WDPCP: variants seen among roughly 807,000 people sequenced by gnomAD.
WDPCP encodes WD repeat-containing and planar cell polarity effector protein fritz homolog.
In WDPCP, 71 loss-of-function variants were observed where a neutral mutation model predicts 93.1. The observed-to-expected ratio is 0.76, with a 90% CI of 0.63 to 0.93. The LOEUF is 0.93. Ranked by LOEUF, WDPCP falls within the 40% of genes least tolerant of loss-of-function variation. The pLI is 0.00. For missense variants in WDPCP, 844 were observed against 887.4 expected (o/e 0.95, Z 0.62); for synonymous variants, 315 against 315.0 (o/e 1.00, Z 0.00).
intron 12 of WDPCP, among the ~76,000 whole-genome samples, chr2:63,355,231 G>T (rs568278777): frequency 6.6e-5 from 10 of 152,220 alleles, no homozygotes; most frequent in Admixed American, 2.6e-4. Context: ...ACCCCATCAG[G>T]CTAAGAGTGG....
chr2:63,518,201 T>TA, intron 1 of WDPCP: 3 of 152,362 alleles, frequency 2.0e-5, no homozygotes, highest in South Asian at 4.1e-4. Context: ...TTTCATATTT[T>TA]AAAAAATTAT....
intron 9 of WDPCP, among the ~76,000 whole-genome samples, chr2:63,405,573 G>GTGTGTC (rs1694508806): frequency 6.6e-6 from 1 of 151,114 alleles, no homozygotes; most frequent in Admixed American, 6.6e-5. Context: ...GTGTGTGTGT[G>GTGTGTC]TGTGTGTGTG....
intron 1 of WDPCP, among the ~76,000 whole-genome samples, chr2:63,553,927 C>A (rs1474665380): frequency 2.0e-5 from 3 of 152,114 alleles, no homozygotes; most frequent in African/African-American, 7.2e-5. Context: ...TGCTCCATTA[C>A]CCCTTGATAT....
chr2:63,333,867 A>T (rs1688161931), intron 12 of WDPCP, among the ~76,000 whole-genome samples: 1 of 152,202 alleles, frequency 6.6e-6, no homozygotes, highest in Non-Finnish European at 1.5e-5. Flanking sequence ...ACAGAGTTTG[A>T]CTCTTTTCAA....
At chr2:63,150,565 C>A (rs1293298874) in intron 17 of WDPCP, among the ~76,000 whole-genome samples, 1 of 152,076 alleles carries the variant, frequency 6.6e-6, no homozygotes, top group Non-Finnish European at 1.5e-5. Flanking sequence ...ACCTGGGAGA[C>A]TATGGGAAAT....
chr2:63,585,184 T>G (rs1176921293), intron 1 of WDPCP, among the ~76,000 whole-genome samples: 1 of 152,194 alleles, frequency 6.6e-6, no homozygotes, highest in Non-Finnish European at 1.5e-5. Flanking sequence ...TAAATTAAAT[T>G]ACAAGCACTT....
intron 14 of WDPCP, among the ~76,000 whole-genome samples, chr2:63,189,929 G>A (rs1432898379): frequency 6.6e-6 from 1 of 152,042 alleles, no homozygotes; most frequent in Non-Finnish European, 1.5e-5. Context: ...GTTCTTAGAT[G>A]GTTTCATTTT....
chr2:63,362,596 A>T (rs1690569420), intron 12 of WDPCP, among the ~76,000 whole-genome samples: 1 of 152,088 alleles, frequency 6.6e-6, no homozygotes, highest in African/African-American at 2.4e-5. Context: ...GATTTGAAAA[A>T]TGAGCTGGCT....
At chr2:63,546,783 G>C (rs547913044) in intron 1 of WDPCP, among the ~76,000 whole-genome samples, 30 of 151,882 alleles carry the variant, frequency 2.0e-4, no homozygotes, top group Non-Finnish European at 4.0e-4. Flanking sequence ...AACCAGTAAA[G>C]GTATTAGAAA....
chr2:63,660,846 T>A (rs749803020), intron 2 of WDPCP, among the ~76,000 whole-genome samples: 1 of 152,226 alleles, frequency 6.6e-6, no homozygotes, highest in South Asian at 2.1e-4. Flanking sequence ...GAACTCTTCA[T>A]ATAAGAATTA....
At chr2:63,784,731 G>T (rs1670443404) in intron 2 of WDPCP, among the ~76,000 whole-genome samples, 1 of 152,020 alleles carries the variant, frequency 6.6e-6, no homozygotes, top group Admixed American at 6.6e-5. Context: ...GTTTTAAGAT[G>T]ATTATATTCT....
At chr2:63,401,571 G>A (rs1243045191) in intron 10 of WDPCP, among the ~76,000 whole-genome samples, 1 of 152,244 alleles carries the variant, frequency 6.6e-6, no homozygotes, top group Middle Eastern at 3.4e-3. Context: ...GTCAGGATTT[G>A]AGACCAGCTC....
intron 14 of WDPCP, among the ~76,000 whole-genome samples, chr2:63,177,957 T>C (rs1196083509): frequency 1.3e-5 from 2 of 152,156 alleles, no homozygotes; most frequent in Non-Finnish European, 2.9e-5. Flanking sequence ...TGTCAAATGC[T>C]TTTTTGTGTG....
In WDPCP at chr2:63,277,655, A is replaced by G. The variant is rs559449805; in HGVS notation, c.1813-18246T>C. On this transcript the variant is annotated intron_variant, in intron 13 of 17. Transcript: ENST00000272321. ...AAGACAACAGCAGTTTAAAAAGACGAAGAGAGACATTATATAATGATAAAA... is the reference window on the plus strand; with the variant it reads ...AAGACAACAGCAGTTTAAAAAGACGGAGAGAGACATTATATAATGATAAAA... Among the ~76,000 whole-genome samples the G allele has an allele frequency of 8.3e-4, 126 of 152,326 alleles. No individual in the cohort carries two copies. In the Middle Eastern group the frequency reaches 0.01, roughly 12 times the overall value.
chr2:63,379,363 G>A (rs1245960962), intron 11 of WDPCP, among the ~76,000 whole-genome samples: 1 of 152,056 alleles, frequency 6.6e-6, no homozygotes, highest in Non-Finnish European at 1.5e-5. Context: ...TTTAGTTTTA[G>A]GCATATTTGG....
chr2:63,622,923 G>A (rs977928647), intron 3 of WDPCP: 3 of 1,058,844 alleles, frequency 2.8e-6, no homozygotes, highest in East Asian at 2.6e-5. Flanking sequence ...GGGGCTCGGC[G>A]CACACCTGCT....
intron 1 of WDPCP, among the ~76,000 whole-genome samples, chr2:63,547,143 A>G (rs1431988175): frequency 1.3e-5 from 2 of 152,150 alleles, no homozygotes; most frequent in Non-Finnish European, 2.9e-5. Context: ...CAAGAAATAT[A>G]TTAAAAATGC....
chr2:63,410,259 A>G (rs1694925355), intron 9 of WDPCP, among the ~76,000 whole-genome samples: 1 of 152,214 alleles, frequency 6.6e-6, no homozygotes, highest in Non-Finnish European at 1.5e-5. Context: ...TTTTGTATCC[A>G]TTGAAACTAA....
intron 12 of WDPCP, among the ~76,000 whole-genome samples, chr2:63,372,774 T>C (rs1165955750): frequency 6.6e-6 from 1 of 152,164 alleles, no homozygotes; most frequent in Non-Finnish European, 1.5e-5. Flanking sequence ...TTTCTGTCAA[T>C]ATTGATCTCT....
Sources: allele counts gnomAD v4.1 joint callset (sites outside exome capture counted in the v4.1 genomes callset), GRCh38; gene constraint gnomAD v4.1.1; transcripts MANE v1.5; gene names NCBI Gene and HGNC (gene_info 2026-07-23, HGNC 2026-07-21).